Variants in GRIN2D observed in about 807,000 individuals in gnomAD.
GRIN2D encodes the protein glutamate ionotropic receptor NMDA type subunit 2D, also known as glutamate receptor ionotropic, NMDA 2D.
Under a neutral mutation model 103.2 loss-of-function variants are expected in GRIN2D, and 37 were observed. The ratio of observed to expected loss-of-function variants is 0.36; its 90% CI spans 0.28 to 0.47. The LOEUF (loss-of-function observed/expected upper bound fraction) is 0.47. Ranked by LOEUF, GRIN2D falls within the 20% of genes least tolerant of loss-of-function variation. The pLI is 1.00. For synonymous variants in GRIN2D, 845 were observed against 885.6 expected (o/e 0.95, Z 0.81); for missense variants, 1,557 against 1,910.6 (o/e 0.81, Z 3.45).
Position 48,414,420 on chromosome 19 carries a change from G to A in GRIN2D, c.1248G>A (p.Trp416Ter). 1 of 1,610,236 alleles carries A rather than the reference G, an allele frequency of 6.2e-7. No homozygotes were observed. The highest frequency in any genetic ancestry group is 8.5e-7 in the Non-Finnish European group (1 of 1,178,568). Residue 416 changes from tryptophan to a stop codon, truncating the protein, a stop_gained, in exon 6 of 14, where the codon TGG (tryptophan) becomes TGA (stop). Transcript: ENST00000263269. LOFTEE classifies it high-confidence loss of function. This position sits in a 1 kb window ranked among gnomAD's most constrained non-coding sequence, Gnocchi z 4.6. ...CGCTCCGCCTCAAGTACCCGCTGTG[G>A]TCCCGCTATGGTCGCTTCCTGCAGC... ...QQTLRLKYPL[W>*]SRYGRFLQPV... is the part of the protein sequence containing the mutation.
chr19:48,397,237 G>A (rs34641111), intron 2 of GRIN2D, among the ~76,000 whole-genome samples: 8,468 of 152,182 alleles, frequency 0.056, 371 homozygotes, highest in East Asian at 0.2. Flanking sequence ...AGGGTGAGGA[G>A]TAAGGTCATG....
chr19:48,439,661 C>T (rs576169692), intron 11 of GRIN2D, among the ~76,000 whole-genome samples: 3 of 152,248 alleles, frequency 2.0e-5, no homozygotes, highest in African/African-American at 7.2e-5. Context: ...GGCACGGTGG[C>T]TCATGCCTAT....
At chr19:48,408,150 G>T (rs908227383) in intron 4 of GRIN2D, among the ~76,000 whole-genome samples, 2 of 151,780 alleles carry the variant, frequency 1.3e-5, no homozygotes, top group Admixed American at 6.6e-5. Context: ...CTGGCTAACA[G>T]GGTGAAACCC....
intron 3 of GRIN2D, among the ~76,000 whole-genome samples, chr19:48,403,422 G>A (rs1032477602): frequency 6.6e-6 from 1 of 152,136 alleles, no homozygotes; most frequent in Non-Finnish European, 1.5e-5. Flanking sequence ...AGAAAACTAA[G>A]TTTTAAATTC....
Position 48,443,778 on chromosome 19 carries a change from G to C in GRIN2D, c.3852G>C (p.Ala1284=), listed in dbSNP as rs556975803. The change falls in exon 14 of 14, where the codon GCG becomes GCC. Residue 1284 remains alanine, a synonymous_variant. Coordinates refer to ENST00000263269, the MANE Select transcript of GRIN2D (RefSeq NM_000836.4). This position sits in a 1 kb window ranked among gnomAD's most constrained non-coding sequence, Gnocchi z 8.9. ...DLSSCPRAAP[A]RRLTGPSRHA... ...GCTCGTGCCCTCGCGCCGCCCCTGCGCGCAGGCTTACCGGGCCCTCCCGCC... is the reference window on the plus strand; with the variant it reads ...GCTCGTGCCCTCGCGCCGCCCCTGCCCGCAGGCTTACCGGGCCCTCCCGCC... 4.1e-4 allele frequency: 599 copies of C among 1,445,606 alleles called. No homozygotes were observed. Among genetic ancestry groups the C allele is most frequent in the Middle Eastern group, 1.2e-3 (5 of 4,058 alleles). The allele number at this position is 1,445,606 out of a possible 1,614,324, so 89.5% of individuals were successfully genotyped here. A position where few individuals can be genotyped will look rare whatever the true frequency, so the allele number is the denominator to read the frequency against.
intron 11 of GRIN2D, among the ~76,000 whole-genome samples, chr19:48,424,194 T>C (rs1440650571): frequency 6.7e-6 from 1 of 148,346 alleles, no homozygotes; most frequent in African/African-American, 2.5e-5. Context: ...GGTGAGAGGA[T>C]CACTTAAGAC....
chr19:48,416,177 G>A (rs1301765199), intron 8 of GRIN2D, 22 bp downstream of exon 8: 1 of 1,611,342 alleles, frequency 6.2e-7, no homozygotes, highest in Non-Finnish European at 8.5e-7. Flanking sequence ...CCCTGGGACA[G>A]GGAGCTAGCC....
chr19:48,441,318 G>A (rs1971288114), intron 11 of GRIN2D, among the ~76,000 whole-genome samples: 1 of 147,110 alleles, frequency 6.8e-6, no homozygotes, highest in Non-Finnish European at 1.5e-5. Context: ...AGCCGAGACT[G>A]TGCCACTGCA....
In GRIN2D at chr19:48,421,663, GA is replaced by G. The variant is rs1971025181; in HGVS notation, c.2092-119del. The G allele has an allele frequency of 1.3e-6, 1 of 759,326 alleles. No individual in the cohort carries two copies. The highest frequency in any genetic ancestry group is 1.8e-5 in the African/African-American group (1 of 56,910). 47.0% of individuals were successfully genotyped at this position (759,326 alleles called of 1,614,324 possible). A position where few individuals can be genotyped will look rare whatever the true frequency, so the allele number is the denominator to read the frequency against. On this transcript the variant is annotated intron_variant, in intron 10 of 13. Coordinates refer to ENST00000263269, the MANE Select transcript of GRIN2D (RefSeq NM_000836.4). This position sits in a 1 kb window ranked among gnomAD's most constrained non-coding sequence, Gnocchi z 4.8. ...CCCTAATGTAGTGAGCGAGTGTTGA[GA>G]AATATTGAACACTCCTGGGACTGGG...
At chr19:48,409,950 A>G (rs1008400588) in intron 4 of GRIN2D, among the ~76,000 whole-genome samples, 1 of 149,902 alleles carries the variant, frequency 6.7e-6, no homozygotes, top group African/African-American at 2.5e-5. Context: ...ATGCCCGGCT[A>G]ATTCTTGTAT....
chr19:48,415,487 G>A (rs1458745787), intron 7 of GRIN2D, among the ~76,000 whole-genome samples: 2 of 150,952 alleles, frequency 1.3e-5, no homozygotes, highest in East Asian at 1.9e-4. Flanking sequence ...CTTGGAACAG[G>A]GGGCGGGGTC....
rs970646856 is a variant in GRIN2D at position 48,418,262 on chromosome 19, A to G, written c.1736-972A>G. 2.6e-5 allele frequency among the ~76,000 whole-genome samples: 4 copies of G among 151,812 alleles called. No individual in the cohort carries two copies. The East Asian group carries it at 7.7e-4, about 29-fold the overall frequency. ...TGGCCAGGCTGGTCTTGAACTCCTG[A>G]CCTTAGGTGATCCTCCCACCTCGGC... On this transcript the variant is annotated intron_variant, in intron 8 of 13. Coordinates refer to ENST00000263269, the MANE Select transcript of GRIN2D (RefSeq NM_000836.4).
intron 11 of GRIN2D, among the ~76,000 whole-genome samples, chr19:48,427,511 A>AG (rs1971102369): frequency 9.3e-6 from 1 of 107,012 alleles, no homozygotes. Context: ...ACAGAGTCTC[A>AG]CTCTGTTGTC....
intron 11 of GRIN2D, among the ~76,000 whole-genome samples, chr19:48,432,962 T>G: frequency 6.7e-6 from 1 of 150,320 alleles, no homozygotes; most frequent in Non-Finnish European, 1.5e-5. Flanking sequence ...AGCTAATTTT[T>G]GTATTTTCAG....
Position 48,442,105 on chromosome 19 carries a change from T to C in GRIN2D, c.2441-45T>C. ...ATTCCCACATCACAGACAAGGGTCCTCAGAGGGTACTCATAGCAGGTGACT... is the reference window on the plus strand; with the variant it reads ...ATTCCCACATCACAGACAAGGGTCCCCAGAGGGTACTCATAGCAGGTGACT... On this transcript the variant is annotated intron_variant, in intron 12 of 13. Coordinates refer to ENST00000263269, the MANE Select transcript of GRIN2D (RefSeq NM_000836.4). This position sits in a 1 kb window ranked among gnomAD's most constrained non-coding sequence, Gnocchi z 7.2. The C allele has an allele frequency of 1.9e-6, 3 of 1,575,282 alleles. No individual in the cohort carries two copies. Among genetic ancestry groups the C allele is most frequent in the Non-Finnish European group, 1.7e-6 (2 of 1,146,646 alleles).
chr19:48,430,930 A>G lies in GRIN2D; in HGVS notation c.2252+8985A>G, dbSNP rs1971148771. Reference sequence around the variant, plus strand: ...TGCCTCCTGGGTTCAAGCGATTCTCATGCCTCAGCCTCCCAAATAGCTGGG... The same window carrying G: ...TGCCTCCTGGGTTCAAGCGATTCTCGTGCCTCAGCCTCCCAAATAGCTGGG... On this transcript the variant is annotated intron_variant, in intron 11 of 13. Transcript: ENST00000263269. Among the ~76,000 whole-genome samples the G allele has an allele frequency of 2.7e-5, 4 of 147,210 alleles. No individual in the cohort carries two copies. The South Asian group carries it at 8.6e-4, about 32-fold the overall frequency.
chr19:48,395,923 G>A (rs527755992), intron 2 of GRIN2D, among the ~76,000 whole-genome samples: 58 of 152,134 alleles, frequency 3.8e-4, no homozygotes, highest in Non-Finnish European at 7.9e-4. Context: ...GGGGCAGGAG[G>A]GGCCTGGCCT....
chr19:48,406,134 G>C (rs1317089590), intron 4 of GRIN2D, among the ~76,000 whole-genome samples: 1 of 152,136 alleles, frequency 6.6e-6, no homozygotes, highest in African/African-American at 2.4e-5. Flanking sequence ...TTAGCTAGAC[G>C]CCTATTCTGA....
chr19:48,429,602 G>A (rs751844197), intron 11 of GRIN2D, among the ~76,000 whole-genome samples: 20 of 152,016 alleles, frequency 1.3e-4, no homozygotes, highest in Non-Finnish European at 1.8e-4. Context: ...GTTTCGCCAC[G>A]TTGGCCAGGC....
Sources: allele counts gnomAD v4.1 joint callset (sites outside exome capture counted in the v4.1 genomes callset), GRCh38; gene constraint gnomAD v4.1.1; non-coding constraint Gnocchi (gnomAD v3.1); transcripts MANE v1.5; gene names NCBI Gene and HGNC (gene_info 2026-07-23, HGNC 2026-07-21).